Variants in ACACA observed in about 807,000 individuals in gnomAD.
ACACA encodes the protein acetyl-CoA carboxylase 1.
A neutral mutation model predicts 296.1 loss-of-function variants in ACACA; 103 were observed. The ratio of observed to expected loss-of-function variants is 0.35; its 90% CI spans 0.30 to 0.41. ACACA has a LOEUF of 0.41. ACACA is among the 10% of genes least tolerant of loss of function. The pLI is 1.00. For synonymous variants in ACACA, 953 were observed against 1,038.6 expected (o/e 0.92, Z 1.58); for missense variants, 1,554 against 2,989.7 (o/e 0.52, Z 11.20).
At chr17:37,255,182 A>C (rs1450063491) in intron 14 of ACACA, among the ~76,000 whole-genome samples, 7 of 152,136 alleles carry the variant, frequency 4.6e-5, no homozygotes, top group Non-Finnish European at 8.8e-5. Context: ...ATGAGTGGCT[A>C]ATCCATTCAA....
At position 37,085,464 on chromosome 17, in the gene ACACA, G is replaced by T. The variant is rs2072136822; in HGVS notation, c.*1852C>A. 2.5e-6 allele frequency: 1 copy of T among 397,190 alleles called. No individual in the cohort carries two copies. Among genetic ancestry groups the T allele is most frequent in the African/African-American group, 2.1e-5 (1 of 48,580 alleles). 24.6% of individuals were successfully genotyped at this position (397,190 alleles called of 1,614,324 possible). A position where few individuals can be genotyped will look rare whatever the true frequency, so the allele number is the denominator to read the frequency against. The stretch of plus-strand genomic sequence containing the variant: ...GACTTCATACCACTTGTAGATATGT[G>T]GGATTTGATTTATTGCAAAAAAGCA... On this transcript the variant is annotated 3_prime_UTR_variant, in exon 56 of 56. Coordinates refer to ENST00000616317, the MANE Select transcript of ACACA (RefSeq NM_198834.3).
chr17:37,223,612 C>CA lies in ACACA; in HGVS notation c.3475-12dup. Reference sequence around the variant, plus strand: ...TGATAGGATGAGTTTCTAGAAGATACAAAGACAGGCTTAAGCCTTACATCA... The same window carrying CA: ...TGATAGGATGAGTTTCTAGAAGATACAAAAGACAGGCTTAAGCCTTACATCA... On this transcript the variant is annotated splice_polypyrimidine_tract_variant and intron_variant, in intron 27 of 55. Coordinates refer to ENST00000616317, the MANE Select transcript of ACACA (RefSeq NM_198834.3). 1 of 1,554,140 alleles carries CA rather than the reference C, an allele frequency of 6.4e-7. No individual in the cohort carries two copies. Among genetic ancestry groups the CA allele is most frequent in the Non-Finnish European group, 8.9e-7 (1 of 1,125,622 alleles).
intron 10 of ACACA, among the ~76,000 whole-genome samples, chr17:37,265,905 A>C (rs1288171029): frequency 1.3e-5 from 2 of 152,180 alleles, no homozygotes; most frequent in Non-Finnish European, 2.9e-5. Context: ...CTCATTAAAA[A>C]GTTTAAGGCT....
intron 29 of ACACA, among the ~76,000 whole-genome samples, chr17:37,212,974 T>C (rs2078818976): frequency 6.6e-6 from 1 of 151,124 alleles, no homozygotes; most frequent in South Asian, 2.1e-4. Flanking sequence ...TCCATTTATG[T>C]AGCTGAAAAT....
chr17:37,299,566 C>T, intron 3 of ACACA: 1 of 1,394,612 alleles, frequency 7.2e-7, no homozygotes, highest in Non-Finnish European at 9.3e-7. Flanking sequence ...TTTGCATCTT[C>T]TCTCCTCCAC....
At position 37,376,166 on chromosome 17, in the gene ACACA, G is replaced by A. The variant is rs1325366270; in HGVS notation, c.38+30096C>T. The A allele has an allele frequency of 1.9e-6, 3 of 1,599,924 alleles. No homozygotes were observed. In the African/African-American group the frequency reaches 4.0e-5, roughly 21 times the overall value. On this transcript the variant is annotated intron_variant, in intron 1 of 55. Coordinates refer to ENST00000616317, the MANE Select transcript of ACACA (RefSeq NM_198834.3). ...AACAAGAAAGGTATGTAATTCTCTA[G>A]CCTAATCTCCTGGAAAATACAGAGA...
chr17:37,238,809 G>C (rs2080245333), intron 24 of ACACA, among the ~76,000 whole-genome samples: 1 of 151,626 alleles, frequency 6.6e-6, no homozygotes. Context: ...TTCATGTTTT[G>C]GGTTGCTATT....
chr17:37,233,338 G>A (rs1334733385), intron 25 of ACACA, among the ~76,000 whole-genome samples: 2 of 152,194 alleles, frequency 1.3e-5, no homozygotes, highest in Non-Finnish European at 2.9e-5. Context: ...CCAATAATGA[G>A]ATTCTTAAGG....
Position 37,258,391 on chromosome 17 carries a change from A to G in ACACA, c.1501-18T>C, listed in dbSNP as rs2146205196. The G allele has an allele frequency of 1.9e-6, 3 of 1,613,212 alleles. No homozygotes were observed. The highest frequency in any genetic ancestry group is 2.5e-6 in the Non-Finnish European group (3 of 1,179,200). ...ATGGCAATCTGAAAGGTAATAAAACACACATCTTTAATTTTTCAGTTACTT... is the reference window on the plus strand; with the variant it reads ...ATGGCAATCTGAAAGGTAATAAAACGCACATCTTTAATTTTTCAGTTACTT... On this transcript the variant is annotated intron_variant, in intron 12 of 55. Transcript: ENST00000616317.
intron 1 of ACACA, among the ~76,000 whole-genome samples, chr17:37,396,890 G>A (rs577274946): frequency 2.0e-5 from 3 of 152,118 alleles, no homozygotes; most frequent in African/African-American, 7.2e-5. Context: ...ATTAGTAATA[G>A]TAGTAGTAGT....
chr17:37,095,104 C>T (rs898223584), intron 54 of ACACA, among the ~76,000 whole-genome samples: 1 of 152,256 alleles, frequency 6.6e-6, no homozygotes, highest in African/African-American at 2.4e-5. Context: ...AAACTTCCTT[C>T]TCATCCTTGT....
At chr17:37,181,618 G>A (rs969928629) in intron 39 of ACACA, among the ~76,000 whole-genome samples, 2 of 152,002 alleles carry the variant, frequency 1.3e-5, no homozygotes, top group African/African-American at 4.8e-5. Flanking sequence ...CAAGAAAGAA[G>A]GCCAGGCGCA....
chr17:37,092,238 A>C (rs1202985200), intron 54 of ACACA, among the ~76,000 whole-genome samples: 1 of 150,634 alleles, frequency 6.6e-6, no homozygotes, highest in Non-Finnish European at 1.5e-5. Flanking sequence ...GTGAGTCATC[A>C]TACCTACTCC....
intron 41 of ACACA, among the ~76,000 whole-genome samples, chr17:37,173,413 C>A (rs1016997321): frequency 6.6e-6 from 1 of 152,174 alleles, no homozygotes; most frequent in Non-Finnish European, 1.5e-5. Context: ...TTAATTTCTT[C>A]TAATCTTTTA....
intron 2 of ACACA, among the ~76,000 whole-genome samples, chr17:37,331,326 C>T (rs1310621929): frequency 6.6e-6 from 1 of 151,870 alleles, no homozygotes; most frequent in Non-Finnish European, 1.5e-5. Flanking sequence ...ACCGTGTTAG[C>T]CAGGATGGTC....
intron 29 of ACACA, among the ~76,000 whole-genome samples, chr17:37,211,278 C>T (rs1194328201): frequency 1.3e-5 from 2 of 151,984 alleles, no homozygotes; most frequent in African/African-American, 4.8e-5. Flanking sequence ...TAAATAAAAC[C>T]TTATCTAAAT....
chr17:37,114,276 T>C (rs540086467), intron 50 of ACACA, among the ~76,000 whole-genome samples: 1 of 152,244 alleles, frequency 6.6e-6, no homozygotes, highest in South Asian at 2.1e-4. Context: ...GAATGGTAGC[T>C]CACACCTATA....
At chr17:37,132,300 C>A (rs1223455794) in intron 45 of ACACA, among the ~76,000 whole-genome samples, 8 of 152,192 alleles carry the variant, frequency 5.3e-5, no homozygotes, top group Admixed American at 5.2e-4. Context: ...CTCACACATG[C>A]ATCAGGAAAC....
At chr17:37,301,736 G>A (rs1286123321) in intron 3 of ACACA, among the ~76,000 whole-genome samples, 1 of 152,202 alleles carries the variant, frequency 6.6e-6, no homozygotes, top group Non-Finnish European at 1.5e-5. Context: ...AAATCAGGTA[G>A]TATGAAGACC....
Sources: gnomAD v4.1 joint callset for allele counts (sites outside exome capture counted in the v4.1 genomes callset) on GRCh38, gnomAD v4.1.1 for gene constraint, MANE v1.5 for transcripts, NCBI Gene and HGNC (gene_info 2026-07-23, HGNC 2026-07-21) for gene names.